Variants in MGAT4C observed in about 807,000 individuals in gnomAD.
The protein encoded by MGAT4C is MGAT4 family member C.
In MGAT4C, 19 loss-of-function variants were observed where a neutral mutation model predicts 40.1. The observed-to-expected ratio is 0.47, with a 90% CI of 0.33 to 0.70. MGAT4C has a LOEUF of 0.70. Among genes scored for constraint, MGAT4C ranks in the 30% least tolerant of loss-of-function variants. The probability of loss-of-function intolerance (pLI) is 0.02; values close to 1 mark genes in which losing one functional copy is unlikely to be tolerated. For missense variants in MGAT4C, 491 were observed against 563.2 expected, an observed-to-expected ratio of 0.87 and a Z score of 1.30; for synonymous variants, 181 against 187.1, an observed-to-expected ratio of 0.97 and a Z score of 0.27.
chr12:86,040,003 G>A (rs1242379543), intron 2 of MGAT4C, among the ~76,000 whole-genome samples: 1 of 152,160 alleles, frequency 6.6e-6, no homozygotes, highest in African/African-American at 2.4e-5. Context: ...ATCTGCTGGA[G>A]TTTGCTGGAA....
rs142841266 is a variant in MGAT4C at position 86,599,838 on chromosome 12, G to C, written c.-229+127371C>G. ...ATAGTTTTACATACTGTCTACTATA[G>C]TTATTTATTCAAAAATATTTATCAA... is the stretch of plus-strand genomic sequence containing the variant. On this transcript the variant is annotated intron_variant, in intron 2 of 7. Coordinates refer to the MGAT4C transcript ENST00000548651. Among the ~76,000 whole-genome samples, 59 of 152,246 alleles carry C rather than the reference G, an allele frequency of 3.9e-4. 1 individual carries two copies. Among genetic ancestry groups the C allele is most frequent in the African/African-American group, 1.4e-3 (58 of 41,570 alleles).
intron 3 of MGAT4C, among the ~76,000 whole-genome samples, chr12:86,352,520 C>T (rs1389233843): frequency 2.0e-5 from 3 of 152,028 alleles, no homozygotes; most frequent in African/African-American, 7.2e-5. Context: ...GATTTATTTT[C>T]AATTAACAAT....
At chr12:86,241,795 T>A (rs886893444) in intron 1 of MGAT4C, among the ~76,000 whole-genome samples, 2 of 152,092 alleles carry the variant, frequency 1.3e-5, no homozygotes, top group African/African-American at 4.8e-5. Context: ...TCACTTCAGG[T>A]GGTTAACCAT....
chr12:86,725,678 G>T (rs1950810176), intron 2 of MGAT4C, among the ~76,000 whole-genome samples: 1 of 152,004 alleles, frequency 6.6e-6, no homozygotes, highest in African/African-American at 2.4e-5. Flanking sequence ...GTCCAGGCTG[G>T]TCTAAAACTC....
At chr12:85,993,255 T>C (rs747338531) in intron 2 of MGAT4C, among the ~76,000 whole-genome samples, 1 of 152,182 alleles carries the variant, frequency 6.6e-6, no homozygotes, top group Non-Finnish European at 1.5e-5. Context: ...ATCCTGCAAG[T>C]GGCAGAGAAT....
chr12:86,741,927 A>T (rs1951075726), intron 1 of MGAT4C, among the ~76,000 whole-genome samples: 1 of 151,498 alleles, frequency 6.6e-6, no homozygotes, highest in Non-Finnish European at 1.5e-5. Context: ...ACAGTTTACA[A>T]AATTGTTTTC....
chr12:86,650,842 G>A (rs1418001654), intron 2 of MGAT4C, among the ~76,000 whole-genome samples: 1 of 151,884 alleles, frequency 6.6e-6, no homozygotes, highest in Non-Finnish European at 1.5e-5. Flanking sequence ...TTGCCAAGGG[G>A]CTTCAGAAAA....
intron 2 of MGAT4C, among the ~76,000 whole-genome samples, chr12:86,586,112 C>G (rs889434349): frequency 8.3e-6 from 1 of 119,820 alleles, no homozygotes; most frequent in African/African-American, 3.2e-5. Flanking sequence ...CCCCCCACCC[C>G]ACAACAGTCC....
chr12:86,772,127 G>A (rs1267084468), intron 1 of MGAT4C, among the ~76,000 whole-genome samples: 1 of 152,118 alleles, frequency 6.6e-6, no homozygotes, highest in African/African-American at 2.4e-5. Flanking sequence ...ATGACCATTT[G>A]CTAAAGAGAT....
At chr12:86,245,979 T>C (rs1218914812) in intron 1 of MGAT4C, among the ~76,000 whole-genome samples, 3 of 152,152 alleles carry the variant, frequency 2.0e-5, no homozygotes, top group Non-Finnish European at 4.4e-5. Flanking sequence ...TAAATTAAAA[T>C]AATTTGTATA....
At chr12:86,463,989 G>A (rs1198705370) in intron 2 of MGAT4C, among the ~76,000 whole-genome samples, 1 of 152,142 alleles carries the variant, frequency 6.6e-6, no homozygotes, top group African/African-American at 2.4e-5. Flanking sequence ...CAGAGGTGTT[G>A]CTGTTACTTA....
intron 1 of MGAT4C, among the ~76,000 whole-genome samples, chr12:86,776,020 T>TA (rs1295284445): frequency 6.6e-6 from 1 of 152,048 alleles, no homozygotes; most frequent in African/African-American, 2.4e-5. Flanking sequence ...AATTTGCATA[T>TA]AAAATCAATG....
chr12:86,744,038 C>T (rs1951114676), intron 1 of MGAT4C, among the ~76,000 whole-genome samples: 1 of 151,470 alleles, frequency 6.6e-6, no homozygotes, highest in African/African-American at 2.4e-5. Context: ...TGAGCAACAG[C>T]AGGAGATATG....
chr12:86,630,565 G>T (rs1423453236), intron 2 of MGAT4C, among the ~76,000 whole-genome samples: 3 of 152,088 alleles, frequency 2.0e-5, no homozygotes, highest in African/African-American at 7.2e-5. Context: ...AGATCAAGTT[G>T]GTTTCATCCC....
chr12:86,001,666 G>T, intron 2 of MGAT4C: 1 of 980,892 alleles, frequency 1.0e-6, no homozygotes, highest in Non-Finnish European at 1.2e-6. Flanking sequence ...TAAGAAGTTG[G>T]TATAGTCACA....
At chr12:86,275,795 C>A (rs999904942) in intron 4 of MGAT4C, among the ~76,000 whole-genome samples, 1 of 151,964 alleles carries the variant, frequency 6.6e-6, no homozygotes, top group East Asian at 1.9e-4. Flanking sequence ...GATTTCTAAC[C>A]TCCAAAACTG....
intron 2 of MGAT4C, among the ~76,000 whole-genome samples, chr12:86,482,098 A>ACACACACG (rs1240116439): frequency 2.0e-5 from 3 of 151,752 alleles, no homozygotes; most frequent in Admixed American, 6.6e-5. Context: ...ACACACACAC[A>ACACACACG]CACAAGCAAG....
chr12:86,792,196 T>C (rs956813440), intron 1 of MGAT4C, among the ~76,000 whole-genome samples: 2 of 152,238 alleles, frequency 1.3e-5, no homozygotes, highest in Admixed American at 6.5e-5. Context: ...AAATTTATTG[T>C]ACTCCTAAAT....
At chr12:86,121,806 A>T (rs1265066687) in intron 1 of MGAT4C, among the ~76,000 whole-genome samples, 1 of 152,224 alleles carries the variant, frequency 6.6e-6, no homozygotes, top group Non-Finnish European at 1.5e-5. Context: ...CCAAAAGCAG[A>T]TCACTTTTTA....
Sources: allele counts gnomAD v4.1 joint callset (sites outside exome capture counted in the v4.1 genomes callset), GRCh38; gene constraint gnomAD v4.1.1; transcripts MANE v1.5; gene names NCBI Gene and HGNC (gene_info 2026-07-23, HGNC 2026-07-21).